GSAP: variants seen among roughly 807,000 people sequenced by gnomAD.
GSAP encodes the protein gamma-secretase-activating protein.
Under a neutral mutation model 131.7 loss-of-function variants are expected in GSAP, and 118 were observed. That is an observed-to-expected ratio of 0.90 (90% CI 0.77 to 1.04). The LOEUF (loss-of-function observed/expected upper bound fraction) is 1.04, where lower values mean the gene tolerates loss of function less well. Among genes scored for constraint, GSAP ranks in the 50% least tolerant of loss-of-function variants. The probability of loss-of-function intolerance (pLI) is 0.00; values close to 1 mark genes in which losing one functional copy is unlikely to be tolerated. For synonymous variants in GSAP, 381 were observed against 363.4 expected (o/e 1.05, Z -0.55); for missense variants, 1,019 against 1,013.2 (o/e 1.01, Z -0.08).
chr7:77,416,446 C>T, upstream of GSAP: 1 of 507,722 alleles, frequency 2.0e-6, no homozygotes, highest in Non-Finnish European at 3.4e-6. Context: ...CCCCCTGCTG[C>T]TTTCGGTTCT....
intron 23 of GSAP, among the ~76,000 whole-genome samples, chr7:77,324,672 G>A (rs992714368): frequency 6.6e-6 from 1 of 151,966 alleles, no homozygotes; most frequent in Admixed American, 6.6e-5. Flanking sequence ...AATACATAGT[G>A]CATACTTCTT....
At chr7:77,395,917 T>C (rs1449398664) in intron 5 of GSAP, among the ~76,000 whole-genome samples, 2 of 152,224 alleles carry the variant, frequency 1.3e-5, no homozygotes, top group Non-Finnish European at 2.9e-5. Flanking sequence ...AAGAGATTGA[T>C]AGGAGACCCA....
intron 3 of GSAP, among the ~76,000 whole-genome samples, chr7:77,401,367 C>T (rs1801280005): frequency 6.6e-6 from 1 of 151,724 alleles, no homozygotes; most frequent in South Asian, 2.1e-4. Flanking sequence ...AAAGTGACAT[C>T]TATATGGGGG....
chr7:77,349,433 G>A (rs1309090666), intron 18 of GSAP, 29 bp from the exon 19 acceptor site: 1 of 1,581,314 alleles, frequency 6.3e-7, no homozygotes, highest in Admixed American at 1.7e-5. Context: ...CACACACACA[G>A]CTGCTCAGTG....
At chr7:77,401,432 G>A (rs1583883404) in intron 3 of GSAP, among the ~76,000 whole-genome samples, 1 of 152,006 alleles carries the variant, frequency 6.6e-6, no homozygotes, top group East Asian at 1.9e-4. Flanking sequence ...GAACCCAGAA[G>A]GAAGTGGCAT....
intron 6 of GSAP, among the ~76,000 whole-genome samples, chr7:77,383,127 G>A (rs1468137474): frequency 6.6e-6 from 1 of 152,066 alleles, no homozygotes; most frequent in Admixed American, 6.6e-5. Context: ...GTTGAAGTTG[G>A]AGTGAGCCAA....
intron 19 of GSAP, among the ~76,000 whole-genome samples, chr7:77,336,981 T>C (rs544961238): frequency 6.6e-6 from 1 of 152,288 alleles, no homozygotes; most frequent in South Asian, 2.1e-4. Context: ...ATGCTACATC[T>C]TTGTCAAAGC....
intron 18 of GSAP, chr7:77,351,779 C>T (rs1792898161): frequency 1.0e-6 from 1 of 955,364 alleles, no homozygotes; most frequent in Non-Finnish European, 1.2e-6. Flanking sequence ...TTAACACAAC[C>T]CTGGGAACCA....
intron 12 of GSAP, among the ~76,000 whole-genome samples, chr7:77,368,080 G>A (rs1348200605): frequency 2.0e-5 from 3 of 152,004 alleles, no homozygotes; most frequent in African/African-American, 7.3e-5. Context: ...TGTTTATTTG[G>A]ATCTTCTCTC....
chr7:77,399,756 C>A (rs531832671), intron 3 of GSAP, among the ~76,000 whole-genome samples: 3 of 151,996 alleles, frequency 2.0e-5, no homozygotes, highest in Non-Finnish European at 4.4e-5. Flanking sequence ...TTGCTCCCAC[C>A]AAGTACAGTT....
chr7:77,416,179 G>GCCCCCCCCCCACACCCCCCC, intron 1 of GSAP, 34 bp downstream of exon 1: 1 of 435,046 alleles, frequency 2.3e-6, no homozygotes. Context: ...CCCACTCCCC[G>GCCCCCCCCCCACACCCCCCC]CCCCCACCCC....
At chr7:77,363,973 A>G (rs920159379) in intron 12 of GSAP, among the ~76,000 whole-genome samples, 3 of 152,194 alleles carry the variant, frequency 2.0e-5, no homozygotes, top group African/African-American at 4.8e-5. Flanking sequence ...CATACAGTAA[A>G]CATTATCAGC....
chr7:77,405,941 C>A (rs560853029), intron 2 of GSAP, 88 bp downstream of exon 2: 3 of 474,852 alleles, frequency 6.3e-6, no homozygotes, highest in Non-Finnish European at 1.0e-5. Context: ...CAATAAGATA[C>A]AGTATAGAAT....
intron 19 of GSAP, among the ~76,000 whole-genome samples, chr7:77,338,226 T>A (rs1367510969): frequency 1.3e-5 from 2 of 152,206 alleles, no homozygotes; most frequent in African/African-American, 4.8e-5. Flanking sequence ...ATTTTTAGCC[T>A]TTTATGAAAG....
chr7:77,325,500 A>G (rs1788204141), intron 23 of GSAP, among the ~76,000 whole-genome samples: 1 of 152,176 alleles, frequency 6.6e-6, no homozygotes. Flanking sequence ...ATTTTGATTC[A>G]TATTTTTTTG....
chr7:77,334,579 TTAAAAAAAAAAA>T (rs1789673286), intron 19 of GSAP, among the ~76,000 whole-genome samples: 1 of 82,386 alleles, frequency 1.2e-5, no homozygotes. Context: ...AACTTAAAAT[TTAAAAAAAAAAA>T]AAAAAAAAAA....
intron 10 of GSAP, among the ~76,000 whole-genome samples, chr7:77,376,179 T>C (rs1796825692): frequency 1.3e-5 from 2 of 152,208 alleles, no homozygotes; most frequent in African/African-American, 4.8e-5. Flanking sequence ...CCATCAATTA[T>C]TAGGTTGGTG....
intron 23 of GSAP, among the ~76,000 whole-genome samples, chr7:77,324,607 C>A (rs1788077702): frequency 6.6e-6 from 1 of 152,156 alleles, no homozygotes; most frequent in African/African-American, 2.4e-5. Flanking sequence ...TAATTCAATT[C>A]AGTCTCATGC....
intron 26 of GSAP, chr7:77,316,025 G>C (rs552447551): frequency 6.6e-6 from 1 of 152,354 alleles, no homozygotes; most frequent in Non-Finnish European, 1.5e-5. Context: ...CTGAATGATA[G>C]AGATTTATTA....
Sources: allele counts gnomAD v4.1 joint callset (sites outside exome capture counted in the v4.1 genomes callset), GRCh38; gene constraint gnomAD v4.1.1; transcripts MANE v1.5; gene names NCBI Gene and HGNC (gene_info 2026-07-23, HGNC 2026-07-21).